Variants in MSR1 observed in about 807,000 individuals in gnomAD.
MSR1 encodes the protein macrophage scavenger receptor types I and II.
Under a neutral mutation model 47.2 loss-of-function variants are expected in MSR1, and 53 were observed. That is an observed-to-expected ratio of 1.12 (90% CI 0.90 to 1.41). The LOEUF (loss-of-function observed/expected upper bound fraction) is 1.41. Ranked by LOEUF, MSR1 falls within the 40% of genes most tolerant of loss-of-function variation. MSR1 has a pLI of 0.00. For missense variants in MSR1, 786 were observed against 546.9 expected (o/e 1.44, Z -4.36); for synonymous variants, 239 against 185.6 (o/e 1.29, Z -2.34).
intron 8 of MSR1, among the ~76,000 whole-genome samples, chr8:16,125,969 A>G (rs1445787415): frequency 6.6e-6 from 1 of 152,146 alleles, no homozygotes; most frequent in Non-Finnish European, 1.5e-5. Context: ...CTTGTAATCA[A>G]GATGGTAAAT....
intron 5 of MSR1, among the ~76,000 whole-genome samples, chr8:16,156,444 T>C (rs1801010516): frequency 1.3e-5 from 2 of 151,946 alleles, no homozygotes; most frequent in South Asian, 2.1e-4. Flanking sequence ...TCTACTTCTG[T>C]CTATTCCTCT....
intron 8 of MSR1, among the ~76,000 whole-genome samples, chr8:16,121,653 AT>A (rs1182527445): frequency 1.5e-4 from 23 of 151,824 alleles, no homozygotes; most frequent in Middle Eastern, 3.4e-3. Flanking sequence ...TAAAAATAAT[AT>A]TTTCTAATAA....
At chr8:16,139,659 T>C (rs1425758043) in intron 8 of MSR1, 1 of 974,828 alleles carries the variant, frequency 1.0e-6, no homozygotes, top group East Asian at 1.1e-4. Flanking sequence ...ATATTTTTGT[T>C]TGAAATGACC....
chr8:16,187,178 A>T (rs1362500110), intron 1 of MSR1, among the ~76,000 whole-genome samples: 1 of 151,474 alleles, frequency 6.6e-6, no homozygotes, highest in Non-Finnish European at 1.5e-5. Flanking sequence ...TCCTGGCCCA[A>T]TGATGAAACC....
intron 1 of MSR1, among the ~76,000 whole-genome samples, chr8:16,186,714 C>T (rs1265085440): frequency 6.6e-6 from 1 of 151,816 alleles, no homozygotes; most frequent in Non-Finnish European, 1.5e-5. Context: ...TCACTGCAAC[C>T]TTGACCTCCT....
intron 2 of MSR1, 70 bp downstream of exon 2, chr8:16,177,816 A>G (rs1024835345): frequency 3.2e-6 from 4 of 1,234,938 alleles, no homozygotes; most frequent in Non-Finnish European, 1.2e-6. Context: ...AAGTCTCAAG[A>G]CTATAATTTT....
intron 9 of MSR1, among the ~76,000 whole-genome samples, chr8:16,112,074 A>G (rs543209598): frequency 1.3e-5 from 2 of 152,240 alleles, no homozygotes; most frequent in East Asian, 3.9e-4. Context: ...CACATATACA[A>G]TCATGCCAGA....
chr8:16,144,240 T>A (rs1800638441), intron 7 of MSR1, among the ~76,000 whole-genome samples: 1 of 152,110 alleles, frequency 6.6e-6, no homozygotes, highest in Admixed American at 6.6e-5. Context: ...ATCTTTTTTT[T>A]TGCCAACGGA....
chr8:16,125,711 G>A (rs369156791), intron 8 of MSR1, among the ~76,000 whole-genome samples: 1 of 152,042 alleles, frequency 6.6e-6, no homozygotes, highest in East Asian at 1.9e-4. Context: ...AAGGAAGACA[G>A]GTAGACATAC....
intron 9 of MSR1, among the ~76,000 whole-genome samples, chr8:16,112,943 G>GTTTTTTTTTTTTTTTTTTTTTTTTTT (rs71543671): frequency 1.1e-5 from 1 of 87,814 alleles, no homozygotes; most frequent in African/African-American, 3.7e-5. Flanking sequence ...TTTTTTTTAA[G>GTTTTTTTTTTTTTTTTTTTTTTTTTT]TTTTTTTTTT....
At position 16,126,652 on chromosome 8, in the gene MSR1, A is replaced by G. The variant is rs187634135; in HGVS notation, c.1034-6046T>C. 2.2e-3 allele frequency among the ~76,000 whole-genome samples: 336 copies of G among 152,280 alleles called. 1 individual carries two copies. Among genetic ancestry groups the G allele is most frequent in the African/African-American group, 7.6e-3 (316 of 41,566 alleles). On this transcript the variant is annotated intron_variant, in intron 8 of 9. Coordinates refer to ENST00000262101, the MANE Select transcript of MSR1 (RefSeq NM_138715.3). ...ATTTCTCTAGAAAATTTCTCTAGAA[A>G]AATAACATAACATATTGTGTTACTC...
chr8:16,183,784 ATATAT>A (rs1374782117), intron 1 of MSR1, among the ~76,000 whole-genome samples: 5 of 143,368 alleles, frequency 3.5e-5, no homozygotes, highest in African/African-American at 5.1e-5. Flanking sequence ...TATTATGTTA[ATATAT>A]TATATATTAT....
chr8:16,190,247 T>C (rs1469471075), intron 1 of MSR1, among the ~76,000 whole-genome samples: 1 of 152,142 alleles, frequency 6.6e-6, no homozygotes, highest in African/African-American at 2.4e-5. Flanking sequence ...TTTAGGATAA[T>C]TCATCATATG....
intron 9 of MSR1, among the ~76,000 whole-genome samples, chr8:16,119,033 C>T (rs1361894305): frequency 6.6e-6 from 1 of 152,148 alleles, no homozygotes; most frequent in East Asian, 1.9e-4. Flanking sequence ...TGTTTATTTC[C>T]TTTGTTTCTT....
intron 9 of MSR1, among the ~76,000 whole-genome samples, chr8:16,116,856 C>T (rs1203722836): frequency 6.6e-6 from 1 of 152,176 alleles, no homozygotes; most frequent in Non-Finnish European, 1.5e-5. Flanking sequence ...GCTTCATGCT[C>T]AGAGAAGAAA....
At chr8:16,176,033 T>A (rs1448468242) in intron 2 of MSR1, among the ~76,000 whole-genome samples, 2 of 152,196 alleles carry the variant, frequency 1.3e-5, no homozygotes, top group Non-Finnish European at 2.9e-5. Flanking sequence ...GATGAGGAAG[T>A]CATTTCTCTG....
intron 6 of MSR1, among the ~76,000 whole-genome samples, chr8:16,151,765 G>T (rs1486283478): frequency 3.3e-5 from 5 of 152,096 alleles, no homozygotes; most frequent in Non-Finnish European, 2.9e-5. Context: ...AAGCTGGTCT[G>T]ATAATTATTC....
chr8:16,188,261 GT>G (rs1255541445), intron 1 of MSR1, among the ~76,000 whole-genome samples: 3 of 151,628 alleles, frequency 2.0e-5, no homozygotes, highest in African/African-American at 7.3e-5. Flanking sequence ...TTACTTTTTT[GT>G]TTTTATTATA....
intron 8 of MSR1, among the ~76,000 whole-genome samples, chr8:16,138,017 A>T (rs2117098581): frequency 6.6e-6 from 1 of 152,024 alleles, no homozygotes; most frequent in Admixed American, 6.6e-5. Flanking sequence ...GGAAAAAAAA[A>T]AAAAGCCCTT....
Sources: allele counts gnomAD v4.1 joint callset (sites outside exome capture counted in the v4.1 genomes callset), GRCh38; gene constraint gnomAD v4.1.1; transcripts MANE v1.5; gene names NCBI Gene and HGNC (gene_info 2026-07-23, HGNC 2026-07-21).